The following CCDC171 variants were observed in gnomAD, a reference collection of about 807,000 sequenced individuals.
The protein encoded by CCDC171 is coiled-coil domain-containing protein 171.
In CCDC171, 177 loss-of-function variants were observed where a neutral mutation model predicts 168.2. The ratio of observed to expected loss-of-function variants is 1.05; its 90% CI spans 0.93 to 1.19. CCDC171 has a LOEUF of 1.19. Ranked by LOEUF, CCDC171 falls within the 50% of genes most tolerant of loss-of-function variation. The pLI, the probability that CCDC171 is intolerant of heterozygous loss-of-function variation, is 0.00. For missense variants in CCDC171, 1,991 were observed against 1,539.0 expected, an observed-to-expected ratio of 1.29 and a Z score of -4.91; for synonymous variants, 687 against 540.8, an observed-to-expected ratio of 1.27 and a Z score of -3.75.
At chr9:15,952,100 A>T (rs1019694506) in intron 25 of CCDC171, among the ~76,000 whole-genome samples, 2 of 152,084 alleles carry the variant, frequency 1.3e-5, no homozygotes, top group Non-Finnish European at 2.9e-5. Context: ...TTGCATGTGG[A>T]CATGCAGTTC....
At chr9:15,742,336 A>G (rs1265916013) in intron 16 of CCDC171, among the ~76,000 whole-genome samples, 2 of 152,174 alleles carry the variant, frequency 1.3e-5, no homozygotes, top group African/African-American at 2.4e-5. Flanking sequence ...GTCCTCTGTT[A>G]TCTGTGTACT....
chr9:15,958,031 C>T (rs575282350), intron 25 of CCDC171, among the ~76,000 whole-genome samples: 21 of 152,176 alleles, frequency 1.4e-4, no homozygotes, highest in African/African-American at 4.8e-4. Flanking sequence ...AAAATATTTG[C>T]AGAAAGAGGA....
the CCDC171 span, among the ~76,000 whole-genome samples, chr9:16,066,744 G>C: frequency 6.7e-6 from 1 of 150,264 alleles, no homozygotes; most frequent in Non-Finnish European, 1.5e-5. Flanking sequence ...AGTTTACTGA[G>C]AATGATGATT....
chr9:15,631,127 C>A (rs577168019), intron 7 of CCDC171, among the ~76,000 whole-genome samples: 5 of 151,904 alleles, frequency 3.3e-5, no homozygotes, highest in Admixed American at 1.3e-4. Flanking sequence ...GAAGCAAGAG[C>A]AAACACATTC....
intron 21 of CCDC171, among the ~76,000 whole-genome samples, chr9:15,793,628 C>T (rs13287385): frequency 1.5e-5 from 2 of 132,662 alleles, no homozygotes; most frequent in Admixed American, 8.1e-5. Context: ...CAACTCACTG[C>T]AAGCTCTACT....
chr9:15,676,248 A>G (rs1377715725), intron 9 of CCDC171, among the ~76,000 whole-genome samples: 1 of 151,976 alleles, frequency 6.6e-6, no homozygotes, highest in African/African-American at 2.4e-5. Context: ...TCTTCTCTAC[A>G]CTGCTTATTC....
At chr9:15,883,432 T>A (rs1442455309) in intron 24 of CCDC171, among the ~76,000 whole-genome samples, 2 of 152,126 alleles carry the variant, frequency 1.3e-5, no homozygotes, top group Non-Finnish European at 2.9e-5. Flanking sequence ...TCTTGCACAC[T>A]AAGGTAGTGC....
chr9:16,085,115 T>A, the CCDC171 span, among the ~76,000 whole-genome samples: 1 of 152,204 alleles, frequency 6.6e-6, no homozygotes, highest in Non-Finnish European at 1.5e-5. Flanking sequence ...GAGGGCAGCA[T>A]GTCAGCCTGT....
the CCDC171 span, among the ~76,000 whole-genome samples, chr9:16,072,624 A>G: frequency 1.3e-5 from 2 of 152,076 alleles, no homozygotes; most frequent in South Asian, 2.1e-4. Flanking sequence ...TCTGGTTTCT[A>G]CTTGATCTGA....
At chr9:15,693,042 C>T (rs2050935549) in intron 10 of CCDC171, among the ~76,000 whole-genome samples, 1 of 151,924 alleles carries the variant, frequency 6.6e-6, no homozygotes, top group Non-Finnish European at 1.5e-5. Context: ...GAAGCTGAGG[C>T]AGGAGAATCG....
At chr9:15,719,394 G>A (rs2053307259) in intron 11 of CCDC171, among the ~76,000 whole-genome samples, 1 of 107,138 alleles carries the variant, frequency 9.3e-6, no homozygotes, top group Non-Finnish European at 1.9e-5. Flanking sequence ...GCTGGCGGGG[G>A]GGTGGGGGGC....
chr9:15,615,972 A>G (rs1186120955), intron 6 of CCDC171, among the ~76,000 whole-genome samples: 2 of 151,998 alleles, frequency 1.3e-5, no homozygotes, highest in Non-Finnish European at 2.9e-5. Flanking sequence ...TTATTTTGAG[A>G]TGGAGTCTCG....
At chr9:15,755,122 A>G (rs998028004) in intron 18 of CCDC171, among the ~76,000 whole-genome samples, 1 of 152,166 alleles carries the variant, frequency 6.6e-6, no homozygotes. Context: ...CCTTAATCAA[A>G]TAGGAATTTT....
chr9:15,789,943 A>G (rs2135568032), intron 21 of CCDC171, among the ~76,000 whole-genome samples: 1 of 152,022 alleles, frequency 6.6e-6, no homozygotes, highest in East Asian at 1.9e-4. Context: ...ATCCTTTTTT[A>G]TGGCTGCATA....
intron 14 of CCDC171, among the ~76,000 whole-genome samples, chr9:15,727,381 A>G (rs2053873732): frequency 6.6e-6 from 1 of 152,214 alleles, no homozygotes; most frequent in South Asian, 2.1e-4. Flanking sequence ...TAAAGTACAG[A>G]TATTGGTATA....
At chr9:15,801,167 A>C (rs758020101) in intron 21 of CCDC171, among the ~76,000 whole-genome samples, 6 of 151,620 alleles carry the variant, frequency 4.0e-5, no homozygotes, top group African/African-American at 1.5e-4. Context: ...TGGTATTTTT[A>C]TAGGGATTGC....
At chr9:16,062,218 G>A (rs550431721), downstream of CCDC171, among the ~76,000 whole-genome samples, 2 of 152,148 alleles carry the variant, frequency 1.3e-5, no homozygotes, top group African/African-American at 2.4e-5. Flanking sequence ...AGGGGAGAAG[G>A]TTATGGACAG....
chr9:15,601,590 G>C (rs529469693), intron 6 of CCDC171, among the ~76,000 whole-genome samples: 3 of 152,180 alleles, frequency 2.0e-5, no homozygotes, highest in Non-Finnish European at 4.4e-5. Flanking sequence ...AACTGATTAA[G>C]ACCTGGTTTC....
rs557665763 is a variant in CCDC171, at chr9:15,565,275, A to T, written c.41+1146A>T. 1.3e-5 allele frequency among the ~76,000 whole-genome samples: 2 copies of T among 152,148 alleles called. 1 individual carries two copies. The highest frequency in any genetic ancestry group is 4.2e-4 in the South Asian group (2 of 4,816). ...GGCTAATTTTAAATATGTATTTACA[A>T]ATTAGAATATTTCACCTTATTTAGT... On this transcript the variant is annotated intron_variant, in intron 2 of 25. Coordinates refer to ENST00000380701, the MANE Select transcript of CCDC171 (RefSeq NM_173550.4).
Sources: gnomAD v4.1 joint callset for allele counts (sites outside exome capture counted in the v4.1 genomes callset) on GRCh38, gnomAD v4.1.1 for gene constraint, MANE v1.5 for transcripts, NCBI Gene and HGNC (gene_info 2026-07-23, HGNC 2026-07-21) for gene names.